The following MVB12B variants were observed in gnomAD, a reference collection of about 807,000 sequenced individuals.
The protein encoded by MVB12B is multivesicular body subunit 12B, also known as ESCRT-I complex subunit MVB12B.
A neutral mutation model predicts 41.6 loss-of-function variants in MVB12B; 16 were observed. That is an observed-to-expected ratio of 0.38 (90% CI 0.26 to 0.58). The LOEUF is 0.58. Ranked by LOEUF, MVB12B falls within the 20% of genes least tolerant of loss-of-function variation. The pLI, the probability that MVB12B is intolerant of heterozygous loss-of-function variation, is 0.62. For synonymous variants in MVB12B, 133 were observed against 139.7 expected, an observed-to-expected ratio of 0.95 and a Z score of 0.34; for missense variants, 274 against 380.2, an observed-to-expected ratio of 0.72 and a Z score of 2.32.
rs538245086 is a variant in MVB12B at position 126,367,888 on chromosome 9, C to G, written c.205-13176C>G. Among the ~76,000 whole-genome samples, 1 of 152,174 alleles carries G rather than the reference C, an allele frequency of 6.6e-6. No homozygotes were observed. The highest frequency in any genetic ancestry group is 2.4e-5 in the African/African-American group (1 of 41,456). ...ACTCCTGATTCAGCTCACCTGGGAG[C>G]CATCCTCGGAGGGAGGGGAGGGAGT... is the stretch of plus-strand genomic sequence containing the variant. On this transcript the variant is annotated intron_variant, in intron 2 of 9. Transcript: ENST00000361171. This position sits in a 1 kb window ranked among gnomAD's most constrained non-coding sequence, Gnocchi z 4.3.
chr9:126,479,090 C>T (rs949869291), intron 7 of MVB12B, among the ~76,000 whole-genome samples: 4 of 150,408 alleles, frequency 2.7e-5, no homozygotes, highest in African/African-American at 9.7e-5. Context: ...TGGATGTGGG[C>T]AGAGAGTGGG....
chr9:126,368,523 AATT>A (rs1830244961), intron 2 of MVB12B, among the ~76,000 whole-genome samples: 1 of 152,194 alleles, frequency 6.6e-6, no homozygotes, highest in African/African-American at 2.4e-5. Flanking sequence ...TTGTCTTTAA[AATT>A]TTTTAAAAAA....
rs773713581 is a variant in MVB12B, at chr9:126,480,837, A to T, written c.758-532A>T. ...TGTGACTTCAGTTTTTCGTCTTTCA[A>T]CTTCAGTTGCTCATCTGCAGTCACC... On this transcript the variant is annotated intron_variant, in intron 7 of 9. Transcript: ENST00000361171. This position sits in a 1 kb window ranked among gnomAD's most constrained non-coding sequence, Gnocchi z 4.9. 3 of 152,638 alleles carry T rather than the reference A, an allele frequency of 2.0e-5. No homozygotes were observed. The highest frequency in any genetic ancestry group is 1.5e-5 in the Non-Finnish European group (1 of 68,412). 9.5% of individuals were successfully genotyped at this position (152,638 alleles called of 1,614,324 possible).
At chr9:126,380,959 C>G in intron 2 of MVB12B, 105 bp from the exon 3 acceptor site, 1 of 781,700 alleles carries the variant, frequency 1.3e-6, no homozygotes, top group Non-Finnish European at 2.2e-6. Context: ...GCCGGGAGAT[C>G]CCAAGCTGGT....
chr9:126,414,719 G>T (rs1316746268), intron 6 of MVB12B, among the ~76,000 whole-genome samples: 1 of 151,980 alleles, frequency 6.6e-6, no homozygotes, highest in African/African-American at 2.4e-5. Flanking sequence ...TAAACTCATG[G>T]ATCTGCCTAC....
rs910121983 is a variant in MVB12B at position 126,409,123 on chromosome 9, G to A, written c.663-12731G>A. ...CATCGTGACTTCCATTGTGGGGGGG[G>A]GCTCAGTAATGCATTTTGAACCCAA... On this transcript the variant is annotated intron_variant, in intron 6 of 9. Transcript: ENST00000361171. 6.3e-5 allele frequency among the ~76,000 whole-genome samples: 9 copies of A among 142,826 alleles called. No individual in the cohort carries two copies. In the East Asian group the frequency reaches 7.7e-4, roughly 12 times the overall value. The allele number at this position is 142,826 out of a possible 152,430, so 93.7% of individuals were successfully genotyped here. A position where few individuals can be genotyped will look rare whatever the true frequency, so the allele number is the denominator to read the frequency against.
intron 2 of MVB12B, among the ~76,000 whole-genome samples, chr9:126,360,049 T>C (rs867541447): frequency 6.6e-6 from 1 of 152,206 alleles, no homozygotes; most frequent in Admixed American, 6.5e-5. Flanking sequence ...TTTTCTAACA[T>C]AAGCATTTAA....
At chr9:126,477,407 C>T (rs1356463925) in intron 7 of MVB12B, among the ~76,000 whole-genome samples, 1 of 152,172 alleles carries the variant, frequency 6.6e-6, no homozygotes, top group Non-Finnish European at 1.5e-5. Context: ...CTAAGTTTTA[C>T]AAGTGTATAG....
At chr9:126,424,089 C>T (rs1486388007) in intron 7 of MVB12B, among the ~76,000 whole-genome samples, 1 of 152,198 alleles carries the variant, frequency 6.6e-6, no homozygotes, top group South Asian at 2.1e-4. Flanking sequence ...GGCTCTGTGT[C>T]CCTCCTGAAG....
intron 7 of MVB12B, among the ~76,000 whole-genome samples, chr9:126,456,101 G>A (rs186526284): frequency 6.6e-6 from 1 of 152,096 alleles, no homozygotes; most frequent in East Asian, 1.9e-4. Flanking sequence ...TGTTGGACCT[G>A]GCTGGTCTCA....
At chr9:126,400,318 TA>T (rs1227329910) in intron 6 of MVB12B, among the ~76,000 whole-genome samples, 3 of 151,966 alleles carry the variant, frequency 2.0e-5, no homozygotes, top group Admixed American at 2.0e-4. Flanking sequence ...TACAAGGAGA[TA>T]GATTTAGGCT....
At chr9:126,498,497 A>G (rs1833885604) in intron 9 of MVB12B, among the ~76,000 whole-genome samples, 1 of 152,110 alleles carries the variant, frequency 6.6e-6, no homozygotes. Flanking sequence ...TCCTGGCCCT[A>G]TCGTGATTCA....
intron 7 of MVB12B, among the ~76,000 whole-genome samples, chr9:126,430,730 A>G (rs971434324): frequency 2.0e-5 from 3 of 151,688 alleles, no homozygotes; most frequent in African/African-American, 4.8e-5. Flanking sequence ...TGGGGTTGGA[A>G]GCATAGGGTC....
intron 2 of MVB12B, among the ~76,000 whole-genome samples, chr9:126,347,029 A>T (rs1829610125): frequency 6.7e-6 from 1 of 148,330 alleles, no homozygotes; most frequent in South Asian, 2.1e-4. Context: ...GAGCTAGAGG[A>T]TGCCATGACC....
chr9:126,376,564 G>A lies in MVB12B; in HGVS notation c.205-4500G>A, dbSNP rs1051760292. The A allele has an allele frequency of 8.3e-5, 107 of 1,289,260 alleles. No homozygotes were observed. The highest frequency in any genetic ancestry group is 9.6e-5 in the Non-Finnish European group (95 of 988,876). 79.9% of individuals were successfully genotyped at this position (1,289,260 alleles called of 1,614,324 possible). A position where few individuals can be genotyped will look rare whatever the true frequency, so the allele number is the denominator to read the frequency against. ...AGATCGTGGGCTGGTCCACCCTGGC[G>A]CTTTCCAGAGACAAAGCCCTCAGTG... On this transcript the variant is annotated intron_variant, in intron 2 of 9. Transcript: ENST00000361171. This position sits in a 1 kb window ranked among gnomAD's most constrained non-coding sequence, Gnocchi z 4.1.
chr9:126,438,534 A>G (rs1832551268), intron 7 of MVB12B, among the ~76,000 whole-genome samples: 1 of 152,188 alleles, frequency 6.6e-6, no homozygotes, highest in Admixed American at 6.5e-5. Flanking sequence ...GGTAACATTC[A>G]TGTAGGCTGA....
Position 126,459,673 on chromosome 9 carries a change from GAGC to G in MVB12B, c.758-21693_758-21691del, listed in dbSNP as rs1024491498. ...CATGCCTGCGGGTTTGAGAGTTTTGGAGCAGAAGGATGCCTCTTCTGGATGTGG... is the reference window on the plus strand; with the variant it reads ...CATGCCTGCGGGTTTGAGAGTTTTGGAGAAGGATGCCTCTTCTGGATGTGG... On this transcript the variant is annotated intron_variant, in intron 7 of 9. Transcript: ENST00000361171. This position sits in a 1 kb window ranked among gnomAD's most constrained non-coding sequence, Gnocchi z 4.3. Among the ~76,000 whole-genome samples the G allele has an allele frequency of 4.5e-4, 68 of 152,290 alleles. No individual in the cohort carries two copies. Among genetic ancestry groups the G allele is most frequent in the African/African-American group, 1.5e-3 (64 of 41,580 alleles).
intron 6 of MVB12B, among the ~76,000 whole-genome samples, chr9:126,412,016 G>A (rs1239910519): frequency 6.6e-6 from 1 of 152,150 alleles, no homozygotes. Context: ...TCCGATACCT[G>A]AGCATATGGT....
chr9:126,469,758 C>T (rs920022978), intron 7 of MVB12B, among the ~76,000 whole-genome samples: 3 of 152,202 alleles, frequency 2.0e-5, no homozygotes, highest in East Asian at 3.8e-4. Flanking sequence ...CTGCGTTTGT[C>T]GCTGTGGGCA....
Sources: gnomAD v4.1 joint callset for allele counts (sites outside exome capture counted in the v4.1 genomes callset) on GRCh38, gnomAD v4.1.1 for gene constraint, Gnocchi (gnomAD v3.1) non-coding constraint, MANE v1.5 for transcripts, NCBI Gene and HGNC (gene_info 2026-07-23, HGNC 2026-07-21) for gene names.